Variants in ADORA2B observed in about 807,000 individuals in gnomAD.
ADORA2B encodes adenosine receptor A2b.
In ADORA2B, 18 loss-of-function variants were observed where a neutral mutation model predicts 20.8. The observed-to-expected ratio is 0.87, with a 90% CI of 0.60 to 1.29. The LOEUF (loss-of-function observed/expected upper bound fraction) is 1.29. Ranked by LOEUF, ADORA2B falls within the 50% of genes most tolerant of loss-of-function variation. The probability of loss-of-function intolerance (pLI) is 0.00; values close to 1 mark genes in which losing one functional copy is unlikely to be tolerated. For synonymous variants in ADORA2B, 179 were observed against 178.3 expected (o/e 1.00, Z -0.03); for missense variants, 441 against 422.7 (o/e 1.04, Z -0.38).
chr17:15,909,426 T>C, the ADORA2B span, among the ~76,000 whole-genome samples: 1 of 152,208 alleles, frequency 6.6e-6, no homozygotes, highest in Non-Finnish European at 1.5e-5. Flanking sequence ...ATTTGATTCA[T>C]TGTAGCGAAA....
the ADORA2B span, among the ~76,000 whole-genome samples, chr17:15,913,393 T>C: frequency 1.3e-5 from 2 of 152,196 alleles, no homozygotes; most frequent in Non-Finnish European, 2.9e-5. Flanking sequence ...AATAAACACC[T>C]CCGCATCCAG....
the ADORA2B span, among the ~76,000 whole-genome samples, chr17:15,869,276 T>G: frequency 1.6e-4 from 24 of 151,972 alleles, 1 homozygote; most frequent in Middle Eastern, 3.4e-3. Flanking sequence ...GCCAGAATCA[T>G]GCCACTGCAC....
the ADORA2B span, among the ~76,000 whole-genome samples, chr17:15,872,897 A>C: frequency 2.7e-4 from 41 of 152,122 alleles, no homozygotes; most frequent in Non-Finnish European, 5.0e-4. Flanking sequence ...CCCTTTATTT[A>C]TTTCTCTTGC....
the ADORA2B span, among the ~76,000 whole-genome samples, chr17:15,889,766 C>T: frequency 2.3e-5 from 3 of 128,352 alleles, no homozygotes; most frequent in African/African-American, 3.3e-5. Context: ...GGTGTGGTAG[C>T]GTGCGCCTGT....
chr17:15,925,851 A>G, the ADORA2B span, among the ~76,000 whole-genome samples: 1 of 152,058 alleles, frequency 6.6e-6, no homozygotes, highest in East Asian at 1.9e-4. Flanking sequence ...TGTGCCTATA[A>G]TCCCACCTAC....
At chr17:15,896,152 T>C in the ADORA2B span, among the ~76,000 whole-genome samples, 1 of 152,172 alleles carries the variant, frequency 6.6e-6, no homozygotes, top group East Asian at 1.9e-4. Flanking sequence ...TGTTCTCAGA[T>C]ACAGGAAGCC....
chr17:15,850,945 A>G, the ADORA2B span, among the ~76,000 whole-genome samples: 22 of 152,254 alleles, frequency 1.4e-4, no homozygotes, highest in Non-Finnish European at 7.3e-5. Flanking sequence ...TGGTCACATC[A>G]TGATAGAAGC....
chr17:15,964,171 C>T (rs564217611), intron 1 of ADORA2B, among the ~76,000 whole-genome samples: 14 of 152,282 alleles, frequency 9.2e-5, no homozygotes, highest in Admixed American at 7.8e-4. Flanking sequence ...GCCTGCTTCC[C>T]GTTCATATAA....
the ADORA2B span, among the ~76,000 whole-genome samples, chr17:15,882,592 AG>A: frequency 6.6e-6 from 1 of 152,136 alleles, no homozygotes; most frequent in Admixed American, 6.5e-5. Flanking sequence ...AACAAAAGAA[AG>A]GTTCTTACCA....
intron 1 of ADORA2B, among the ~76,000 whole-genome samples, chr17:15,957,300 A>G (rs528233387): frequency 1.6e-4 from 24 of 152,334 alleles, no homozygotes; most frequent in African/African-American, 5.8e-4. Flanking sequence ...TGGAGCCACA[A>G]TCAGTGAGTG....
intron 1 of ADORA2B, among the ~76,000 whole-genome samples, chr17:15,958,103 C>T (rs1057147721): frequency 1.3e-5 from 2 of 151,718 alleles, no homozygotes; most frequent in Non-Finnish European, 2.9e-5. Context: ...ACCGCAACCT[C>T]TGTCTCCCAG....
the ADORA2B span, among the ~76,000 whole-genome samples, chr17:15,873,635 G>A: frequency 6.6e-6 from 1 of 152,020 alleles, no homozygotes; most frequent in Non-Finnish European, 1.5e-5. Flanking sequence ...AGAAACATGT[G>A]AAAAAAATAC....
the ADORA2B span, among the ~76,000 whole-genome samples, chr17:15,884,379 A>G: frequency 6.9e-6 from 1 of 145,470 alleles, no homozygotes; most frequent in Non-Finnish European, 1.5e-5. Flanking sequence ...TTGAATTTTA[A>G]TTTTAAAATT....
chr17:15,883,671 G>A, the ADORA2B span, among the ~76,000 whole-genome samples: 2 of 152,260 alleles, frequency 1.3e-5, no homozygotes, highest in African/African-American at 4.8e-5. Context: ...GAGGGACACA[G>A]TCACACGTGT....
Position 15,945,311 on chromosome 17 carries a change from G to C in ADORA2B, c.63G>C (p.Ser21=). 1 of 1,579,684 alleles carries C rather than the reference G, an allele frequency of 6.3e-7. No individual in the cohort carries two copies. The highest frequency in any genetic ancestry group is 8.6e-7 in the Non-Finnish European group (1 of 1,166,706). ...VALELVIAAL[S]VAGNVLVCAA... is the part of the protein sequence containing the mutation. ...TGGAGCTGGTCATCGCCGCGCTTTC[G>C]GTGGCGGGCAACGTGCTGGTGTGCG... is the stretch of plus-strand genomic sequence containing the variant. The change falls in exon 1 of 2, where the codon TCG becomes TCC. Residue 21 remains serine, a synonymous_variant. Coordinates refer to ENST00000304222, the MANE Select transcript of ADORA2B (RefSeq NM_000676.4).
At position 15,945,228 on chromosome 17, in the gene ADORA2B, C is replaced by G. The variant is rs567714270; in HGVS notation, c.-21C>G. Reference sequence around the variant, plus strand: ...CGGCGCGCCTTCGGTAGGGGGCGCCCGGGGCCCAGCTGGCCCGGCCATGCT... The same window carrying G: ...CGGCGCGCCTTCGGTAGGGGGCGCCGGGGGCCCAGCTGGCCCGGCCATGCT... On this transcript the variant is annotated 5_prime_UTR_variant, in exon 1 of 2. Coordinates refer to ENST00000304222, the MANE Select transcript of ADORA2B (RefSeq NM_000676.4). 1.7e-5 allele frequency: 24 copies of G among 1,388,562 alleles called. No individual in the cohort carries two copies. The South Asian group carries it at 3.9e-4, about 23-fold the overall frequency. 86.0% of individuals were successfully genotyped at this position (1,388,562 alleles called of 1,614,324 possible). A position where few individuals can be genotyped will look rare whatever the true frequency, so the allele number is the denominator to read the frequency against.
chr17:15,901,879 A>G, the ADORA2B span, among the ~76,000 whole-genome samples: 2 of 152,332 alleles, frequency 1.3e-5, no homozygotes, highest in East Asian at 1.9e-4. Context: ...ATTGTGGTAA[A>G]ATACACATAA....
chr17:15,907,868 C>T, the ADORA2B span, among the ~76,000 whole-genome samples: 4 of 152,196 alleles, frequency 2.6e-5, no homozygotes, highest in African/African-American at 9.7e-5. Flanking sequence ...GTACGCTGCA[C>T]ACTATGTCCC....
the ADORA2B span, among the ~76,000 whole-genome samples, chr17:15,932,490 C>CA: frequency 9.9e-3 from 757 of 76,096 alleles, 9 homozygotes; most frequent in Middle Eastern, 0.037. Context: ...AAGACTCTCT[C>CA]AAAAAAAAAA....
Sources: allele counts gnomAD v4.1 joint callset (sites outside exome capture counted in the v4.1 genomes callset), GRCh38; gene constraint gnomAD v4.1.1; transcripts MANE v1.5; gene names NCBI Gene and HGNC (gene_info 2026-07-23, HGNC 2026-07-21).